SPOCK1: variants seen among roughly 807,000 people sequenced by gnomAD.
SPOCK1 encodes SPARC (osteonectin), cwcv and kazal like domains proteoglycan 1.
Under a neutral mutation model 55.3 loss-of-function variants are expected in SPOCK1, and 23 were observed. The ratio of observed to expected loss-of-function variants is 0.42; its 90% CI spans 0.30 to 0.59. The LOEUF (loss-of-function observed/expected upper bound fraction) is 0.59, where lower values mean the gene tolerates loss of function less well. SPOCK1 is among the 20% of genes least tolerant of loss of function. The pLI is 0.22. For synonymous variants in SPOCK1, 226 were observed against 221.0 expected, an observed-to-expected ratio of 1.02 and a Z score of -0.20; for missense variants, 499 against 552.5, an observed-to-expected ratio of 0.90 and a Z score of 0.97.
At chr5:137,198,900 G>A (rs1024458794) in intron 3 of SPOCK1, among the ~76,000 whole-genome samples, 1 of 151,920 alleles carries the variant, frequency 6.6e-6, no homozygotes, top group Non-Finnish European at 1.5e-5. Flanking sequence ...TATTTTGGTG[G>A]GTAGCATGGA....
At chr5:137,424,419 G>T (rs1274091361) in intron 2 of SPOCK1, among the ~76,000 whole-genome samples, 1 of 152,012 alleles carries the variant, frequency 6.6e-6, no homozygotes, top group East Asian at 1.9e-4. Flanking sequence ...TATATGTGTG[G>T]GTCTATTTCT....
chr5:137,467,975 C>T (rs1753656215), intron 2 of SPOCK1, among the ~76,000 whole-genome samples: 3 of 152,128 alleles, frequency 2.0e-5, no homozygotes. Flanking sequence ...TAATAAAATC[C>T]ACTTTGGTTT....
chr5:137,198,255 G>T (rs1755341963), intron 3 of SPOCK1, among the ~76,000 whole-genome samples: 1 of 152,152 alleles, frequency 6.6e-6, no homozygotes, highest in South Asian at 2.1e-4. Context: ...AAATAATGCT[G>T]CAATGAATGC....
At chr5:137,218,398 C>A (rs1580812878) in intron 3 of SPOCK1, among the ~76,000 whole-genome samples, 1 of 152,246 alleles carries the variant, frequency 6.6e-6, no homozygotes, top group African/African-American at 2.4e-5. Flanking sequence ...AGCCCTAACA[C>A]ATGGTTCTTG....
intron 2 of SPOCK1, among the ~76,000 whole-genome samples, chr5:137,403,311 T>C (rs1752022895): frequency 6.6e-6 from 1 of 152,146 alleles, no homozygotes; most frequent in African/African-American, 2.4e-5. Context: ...ATTCCCATCA[T>C]TTTAAGGGTT....
At chr5:137,388,849 G>A (rs1327852462) in intron 2 of SPOCK1, among the ~76,000 whole-genome samples, 1 of 152,190 alleles carries the variant, frequency 6.6e-6, no homozygotes, top group Non-Finnish European at 1.5e-5. Context: ...AAATCTATCT[G>A]AGGGATCTTG....
chr5:137,415,445 G>T (rs1336024248), intron 2 of SPOCK1, among the ~76,000 whole-genome samples: 1 of 152,236 alleles, frequency 6.6e-6, no homozygotes, highest in Admixed American at 6.5e-5. Context: ...TGAGGGACAT[G>T]CACCCAAAGG....
intron 3 of SPOCK1, among the ~76,000 whole-genome samples, 156 bp downstream of exon 3, chr5:137,266,854 A>C (rs17171235): frequency 0.11 from 16,711 of 152,246 alleles, 1,012 homozygotes; most frequent in Admixed American, 0.15. Context: ...CAATTTGATA[A>C]AATAATTTCT....
intron 5 of SPOCK1, among the ~76,000 whole-genome samples, chr5:137,074,645 T>C (rs1414459889): frequency 1.3e-5 from 2 of 152,154 alleles, no homozygotes; most frequent in Non-Finnish European, 2.9e-5. Context: ...GCCTCCCTAG[T>C]AGCTGGGATT....
At chr5:137,189,494 C>A (rs779321321) in intron 3 of SPOCK1, among the ~76,000 whole-genome samples, 6 of 152,160 alleles carry the variant, frequency 3.9e-5, no homozygotes, top group Non-Finnish European at 7.3e-5. Flanking sequence ...CATCTGTTTA[C>A]AGCATGGTTT....
chr5:137,157,939 G>T (rs1281890573), intron 3 of SPOCK1, among the ~76,000 whole-genome samples: 1 of 152,170 alleles, frequency 6.6e-6, no homozygotes, highest in East Asian at 1.9e-4. Context: ...GCGCTTGCCT[G>T]CAATGCCACT....
intron 3 of SPOCK1, among the ~76,000 whole-genome samples, chr5:137,262,638 G>A (rs1179638159): frequency 2.6e-5 from 4 of 152,208 alleles, no homozygotes; most frequent in Non-Finnish European, 5.9e-5. Flanking sequence ...AATGAAGGAA[G>A]GAATGAACAC....
rs79093643 is a variant in SPOCK1 at position 137,492,253 on chromosome 5, C to T, written c.186+6120G>A. Among the ~76,000 whole-genome samples, 53 of 152,288 alleles carry T rather than the reference C, an allele frequency of 3.5e-4. 1 individual carries two copies. The East Asian group carries it at 8.5e-3, about 24-fold the overall frequency. ...CTACCAACTTAGCCAAAGTGATTGA[C>T]GGAGGAATGGGTGCCTAACGCCGGG... On this transcript the variant is annotated intron_variant, in intron 2 of 10. Coordinates refer to ENST00000394945, the MANE Select transcript of SPOCK1 (RefSeq NM_004598.4).
chr5:137,039,383 T>C (rs1473709619), intron 6 of SPOCK1, among the ~76,000 whole-genome samples: 1 of 150,884 alleles, frequency 6.6e-6, no homozygotes, highest in East Asian at 2.0e-4. Context: ...AAATAAATTA[T>C]GGATCTTGAT....
intron 6 of SPOCK1, among the ~76,000 whole-genome samples, chr5:137,045,141 T>G (rs1021669910): frequency 1.8e-4 from 27 of 151,620 alleles, no homozygotes; most frequent in African/African-American, 6.6e-4. Flanking sequence ...TGATTTATAA[T>G]CTTTTAGGTA....
intron 3 of SPOCK1, among the ~76,000 whole-genome samples, chr5:137,262,390 C>CA (rs1756761799): frequency 6.6e-6 from 1 of 152,132 alleles, no homozygotes; most frequent in Non-Finnish European, 1.5e-5. Context: ...CAAGGCATAG[C>CA]AAAAAACATC....
Position 136,999,957 on chromosome 5 carries a change from A to C in SPOCK1, c.590-7357T>G, listed in dbSNP as rs545370303. 2.6e-5 allele frequency among the ~76,000 whole-genome samples: 4 copies of C among 152,260 alleles called. No individual in the cohort carries two copies. The East Asian group carries it at 7.8e-4, about 30-fold the overall frequency. ...TTTCAGCTAAAGAACCAAAGGATAA[A>C]AATAACCCTACCCTACTCCTCCCCT... On this transcript the variant is annotated intron_variant, in intron 6 of 10. Transcript: ENST00000394945.
chr5:137,124,970 G>A (rs1474737506), intron 4 of SPOCK1, among the ~76,000 whole-genome samples: 1 of 152,176 alleles, frequency 6.6e-6, no homozygotes, highest in African/African-American at 2.4e-5. Flanking sequence ...CAGTTTCCCT[G>A]GGGAGTTTCA....
intron 2 of SPOCK1, among the ~76,000 whole-genome samples, chr5:137,323,808 C>G (rs1243031368): frequency 1.3e-5 from 2 of 152,096 alleles, no homozygotes; most frequent in Non-Finnish European, 2.9e-5. Context: ...GAATGACTAT[C>G]ACCAAAAACA....
Sources: allele counts gnomAD v4.1 joint callset (sites outside exome capture counted in the v4.1 genomes callset), GRCh38; gene constraint gnomAD v4.1.1; transcripts MANE v1.5; gene names NCBI Gene and HGNC (gene_info 2026-07-23, HGNC 2026-07-21).